Variants in TRIM35 observed in about 807,000 individuals in gnomAD.
TRIM35 encodes the protein tripartite motif containing 35, also known as E3 ubiquitin-protein ligase TRIM35.
A neutral mutation model predicts 49.1 loss-of-function variants in TRIM35; 37 were observed. The ratio of observed to expected loss-of-function variants is 0.75; its 90% confidence interval spans 0.58 to 0.99. The LOEUF (loss-of-function observed/expected upper bound fraction) is 0.99, where lower values mean the gene tolerates loss of function less well. Among genes scored for constraint, TRIM35 ranks in the 50% least tolerant of loss-of-function variants. The pLI, the probability that TRIM35 is intolerant of heterozygous loss-of-function variation, is 0.00. For synonymous variants in TRIM35, 302 were observed against 289.3 expected (o/e 1.04, Z -0.45); for missense variants, 648 against 702.7 (o/e 0.92, Z 0.88).
Position 27,311,051 on chromosome 8 carries a change from T to A in TRIM35, c.185A>T (p.Asp62Val). Reference sequence around the variant, plus strand: ...GCGCAGGTCGGCGGGTGACGCGCGGTCTTTGCACACTGGGCAGGTGGGCGA... The same window carrying A: ...GCGCAGGTCGGCGGGTGACGCGCGGACTTTGCACACTGGGCAGGTGGGCGA... ...QVSPTCPVCK[D>V]RASPADLRTN... The change falls in exon 1 of 6, where the codon GAC becomes GTC. Residue 62 changes from aspartate (D) to valine (V), a missense_variant. Coordinates refer to ENST00000305364, the MANE Select transcript of TRIM35 (RefSeq NM_171982.5). The A allele has an allele frequency of 6.3e-7, 1 of 1,598,122 alleles. No homozygotes were observed. Among genetic ancestry groups the A allele is most frequent in the Non-Finnish European group, 8.5e-7 (1 of 1,173,318 alleles).
chr8:27,300,258 C>G (rs1329449430), intron 1 of TRIM35, among the ~76,000 whole-genome samples: 1 of 152,246 alleles, frequency 6.6e-6, no homozygotes. Context: ...CAGCTCCATA[C>G]CTACAGCCCC....
chr8:27,302,477 A>T (rs995207047), intron 1 of TRIM35, among the ~76,000 whole-genome samples: 1 of 152,100 alleles, frequency 6.6e-6, no homozygotes, highest in Non-Finnish European at 1.5e-5. Flanking sequence ...TAGCACAATC[A>T]TAGCTCACTG....
rs1407501553 is a variant in TRIM35 at position 27,287,455 on chromosome 8, CA to C, written c.*94del. ...CAGGAGGAAGAGCCTGGCAAGGAGG[CA>C]GGGGCGCAATAGTGCCCAAGCAGTG... On this transcript the variant is annotated 3_prime_UTR_variant, in exon 6 of 6. Transcript: ENST00000305364. This position sits in a 1 kb window ranked among gnomAD's most constrained non-coding sequence, Gnocchi z 6.0. 41 of 1,306,974 alleles carry C rather than the reference CA, an allele frequency of 3.1e-5. No individual in the cohort carries two copies. In the Middle Eastern group the frequency reaches 7.5e-4, roughly 24 times the overall value. The allele number at this position is 1,306,974 out of a possible 1,614,324, so 81.0% of individuals were successfully genotyped here.
intron 1 of TRIM35, among the ~76,000 whole-genome samples, chr8:27,307,935 C>A (rs1802820410): frequency 6.6e-6 from 1 of 152,172 alleles, no homozygotes. Context: ...AATTAAGGAT[C>A]TTGCTGTGGG....
Position 27,288,027 on chromosome 8 carries a change from G to A in TRIM35, c.1005C>T (p.Asn335=), listed in dbSNP as rs574526158. 384 of 1,613,660 alleles carry A rather than the reference G, an allele frequency of 2.4e-4. 3 individuals are homozygous for A. In the South Asian group the frequency reaches 4.0e-3, roughly 17 times the overall value. ...AGGGCGCCGAGGAGAAGCGTTCCGGGTTCTCCACCTGCACGCGGTAGCCAT... is the reference window on the plus strand; with the variant it reads ...AGGGCGCCGAGGAGAAGCGTTCCGGATTCTCCACCTGCACGCGGTAGCCAT... ...TNHGYRVQVE[N]PERFSSAPCL... Residue 335 remains asparagine (N), a synonymous_variant, in exon 6 of 6, where the codon AAC becomes AAT. Coordinates refer to ENST00000305364, the MANE Select transcript of TRIM35 (RefSeq NM_171982.5).
In TRIM35 at chr8:27,285,897, A is replaced by G. The variant is rs557197090; in HGVS notation, c.*1653T>C. 3 of 317,436 alleles carry G rather than the reference A, an allele frequency of 9.5e-6. No homozygotes were observed. The highest frequency in any genetic ancestry group is 2.6e-5 in the South Asian group (1 of 37,866). The allele number at this position is 317,436 out of a possible 1,614,324, so 19.7% of individuals were successfully genotyped here. Reference sequence around the variant, plus strand: ...GAGCATCTTCCAACCAGGTGCATGCACTGGTTTGCCAACATCCTCACCACG... The same window carrying G: ...GAGCATCTTCCAACCAGGTGCATGCGCTGGTTTGCCAACATCCTCACCACG... On this transcript the variant is annotated 3_prime_UTR_variant, in exon 6 of 6. Coordinates refer to ENST00000305364, the MANE Select transcript of TRIM35 (RefSeq NM_171982.5).
intron 1 of TRIM35, among the ~76,000 whole-genome samples, chr8:27,308,370 C>T (rs1479961336): frequency 6.6e-6 from 1 of 152,176 alleles, no homozygotes; most frequent in Non-Finnish European, 1.5e-5. Context: ...CTTTGCTGTT[C>T]CTCACATAGA....
chr8:27,287,263 C>A lies in TRIM35; in HGVS notation c.*287G>T. The stretch of plus-strand genomic sequence containing the variant: ...CCATTCTAGAAGTAAACATTATTCC[C>A]AGAAATCCTGGAATAGGGATTCAGA... On this transcript the variant is annotated 3_prime_UTR_variant, in exon 6 of 6. Coordinates refer to ENST00000305364, the MANE Select transcript of TRIM35 (RefSeq NM_171982.5). This position sits in a 1 kb window ranked among gnomAD's most constrained non-coding sequence, Gnocchi z 6.0. 2.4e-6 allele frequency: 1 copy of A among 423,814 alleles called. No individual in the cohort carries two copies. Among genetic ancestry groups the A allele is most frequent in the Non-Finnish European group, 4.2e-6 (1 of 235,414 alleles). The allele number at this position is 423,814 out of a possible 1,614,324, so 26.3% of individuals were successfully genotyped here.
At chr8:27,295,772 T>C (rs1802553184) in intron 2 of TRIM35, among the ~76,000 whole-genome samples, 1 of 152,184 alleles carries the variant, frequency 6.6e-6, no homozygotes, top group Non-Finnish European at 1.5e-5. Context: ...AGGGACTGTG[T>C]GTATGTTTAC....
intron 2 of TRIM35, among the ~76,000 whole-genome samples, chr8:27,297,531 G>A (rs936924810): frequency 8.5e-5 from 13 of 152,212 alleles, no homozygotes; most frequent in African/African-American, 2.9e-4. Flanking sequence ...CACCTATTGT[G>A]TGCCAAGAAC....
At position 27,285,922 on chromosome 8, in the gene TRIM35, G is replaced by GC. The variant is rs1563434268; in HGVS notation, c.*1627dup. The GC allele has an allele frequency of 8.7e-6, 3 of 344,010 alleles. No homozygotes were observed. In the East Asian group the frequency reaches 2.3e-4, roughly 26 times the overall value. The allele number at this position is 344,010 out of a possible 1,614,324, so 21.3% of individuals were successfully genotyped here. A position where few individuals can be genotyped will look rare whatever the true frequency, so the allele number is the denominator to read the frequency against. ...ACTGGTTTGCCAACATCCTCACCAC[G>GC]CCCAATCCAGCCCCTTCACACACTG... is the stretch of plus-strand genomic sequence containing the variant. On this transcript the variant is annotated 3_prime_UTR_variant, in exon 6 of 6. Transcript: ENST00000305364.
At chr8:27,306,353 T>C (rs553208286) in intron 1 of TRIM35, among the ~76,000 whole-genome samples, 64 of 149,424 alleles carry the variant, frequency 4.3e-4, no homozygotes, top group African/African-American at 1.6e-3. Flanking sequence ...TGAGACAGTG[T>C]CTTGCTCTGT....
Position 27,298,460 on chromosome 8 carries a change from T to C in TRIM35, c.531+4A>G. 2 of 1,614,070 alleles carry C rather than the reference T, an allele frequency of 1.2e-6. No homozygotes were observed. Among genetic ancestry groups the C allele is most frequent in the East Asian group, 2.2e-5 (1 of 44,884 alleles). On this transcript the variant is annotated splice_donor_region_variant and intron_variant, in intron 2 of 5. Coordinates refer to ENST00000305364, the MANE Select transcript of TRIM35 (RefSeq NM_171982.5). Reference sequence around the variant, plus strand: ...CTTCCCACTTGGCCCCATCGTTCGCTCACCTGATTGTGCTTGGCGATGGCC... The same window carrying C: ...CTTCCCACTTGGCCCCATCGTTCGCCCACCTGATTGTGCTTGGCGATGGCC...
At chr8:27,290,288 T>A in intron 3 of TRIM35, 110 bp from the exon 4 acceptor site, 1 of 1,075,016 alleles carries the variant, frequency 9.3e-7, no homozygotes, top group South Asian at 1.4e-5. Context: ...AGTCTTAATA[T>A]TGTCAAGATG....
chr8:27,294,405 C>G, intron 2 of TRIM35, 95 bp from the exon 3 acceptor site: 7 of 1,182,826 alleles, frequency 5.9e-6, no homozygotes, highest in Non-Finnish European at 8.1e-6. Context: ...AATTTATGTT[C>G]AAATAAATCA....
At chr8:27,290,317 C>T (rs897611935) in intron 3 of TRIM35, 139 bp from the exon 4 acceptor site, 2 of 828,106 alleles carry the variant, frequency 2.4e-6, no homozygotes, top group Non-Finnish European at 3.8e-6. Flanking sequence ...AACATCCCTG[C>T]TATGATTTGA....
intron 4 of TRIM35, 66 bp downstream of exon 4, chr8:27,290,090 T>C: frequency 6.3e-7 from 1 of 1,598,696 alleles, no homozygotes; most frequent in Middle Eastern, 1.7e-4. Context: ...CCGGGGCCAC[T>C]GGAGTTTGCA....
chr8:27,303,745 G>A (rs746490767), intron 1 of TRIM35, among the ~76,000 whole-genome samples: 2 of 152,168 alleles, frequency 1.3e-5, no homozygotes, highest in South Asian at 2.1e-4. Flanking sequence ...CCAGGCTAGA[G>A]TGCAGTGGCG....
rs188815263 is a variant in TRIM35, at chr8:27,286,576, C to T, written c.*974G>A. ...CTGGCAAGGAAATAGGCCGAAATCA[C>T]GATTTAAAAAATGTTGTGTTTAAGT... On this transcript the variant is annotated 3_prime_UTR_variant, in exon 6 of 6. Coordinates refer to ENST00000305364, the MANE Select transcript of TRIM35 (RefSeq NM_171982.5). 145 of 200,278 alleles carry T rather than the reference C, an allele frequency of 7.2e-4. 1 individual carries two copies. The highest frequency in any genetic ancestry group is 8.9e-4 in the Non-Finnish European group (87 of 97,460). The allele number at this position is 200,278 out of a possible 1,614,324, so 12.4% of individuals were successfully genotyped here.
Sources: gnomAD v4.1 joint callset for allele counts (sites outside exome capture counted in the v4.1 genomes callset) on GRCh38, gnomAD v4.1.1 for gene constraint, Gnocchi (gnomAD v3.1) non-coding constraint, MANE v1.5 for transcripts, NCBI Gene and HGNC (gene_info 2026-07-23, HGNC 2026-07-21) for gene names.